Variants in SGCZ observed in about 807,000 individuals in gnomAD.
The protein encoded by SGCZ is sarcoglycan zeta.
A neutral mutation model predicts 41.3 loss-of-function variants in SGCZ; 40 were observed. The ratio of observed to expected loss-of-function variants is 0.97; its 90% CI spans 0.75 to 1.26. The LOEUF is 1.26. SGCZ is among the 50% of genes most tolerant of loss of function. The probability of loss-of-function intolerance (pLI) is 0.00; values close to 1 mark genes in which losing one functional copy is unlikely to be tolerated. For synonymous variants in SGCZ, 206 were observed against 137.5 expected, an observed-to-expected ratio of 1.50 and a Z score of -3.49; for missense variants, 552 against 369.8, an observed-to-expected ratio of 1.49 and a Z score of -4.04.
At chr8:14,684,204 T>G (rs983670826) in intron 1 of SGCZ, among the ~76,000 whole-genome samples, 35 of 152,310 alleles carry the variant, frequency 2.3e-4, no homozygotes, top group African/African-American at 8.2e-4. Context: ...CCCTTCATAA[T>G]GCAATTTTTA....
At chr8:14,109,383 A>G (rs1205642246) in intron 5 of SGCZ, among the ~76,000 whole-genome samples, 1 of 152,206 alleles carries the variant, frequency 6.6e-6, no homozygotes, top group Non-Finnish European at 1.5e-5. Flanking sequence ...GTTCCAAATA[A>G]GATGACATTG....
intron 3 of SGCZ, among the ~76,000 whole-genome samples, chr8:14,298,559 A>T (rs1008240403): frequency 3.3e-5 from 5 of 152,048 alleles, no homozygotes; most frequent in East Asian, 1.9e-4. Flanking sequence ...AAAGTGAGCA[A>T]GAATATTTAA....
At chr8:14,815,134 T>C (rs1253806453) in intron 1 of SGCZ, among the ~76,000 whole-genome samples, 1 of 152,218 alleles carries the variant, frequency 6.6e-6, no homozygotes, top group Non-Finnish European at 1.5e-5. Flanking sequence ...ATTTTGGTTA[T>C]ACTTCAATTA....
intron 3 of SGCZ, among the ~76,000 whole-genome samples, chr8:14,307,986 G>A (rs1801400763): frequency 6.6e-6 from 1 of 152,096 alleles, no homozygotes; most frequent in South Asian, 2.1e-4. Flanking sequence ...GCAAATGACA[G>A]AGATCTGTAT....
At chr8:14,860,238 C>T (rs750945268) in intron 1 of SGCZ, among the ~76,000 whole-genome samples, 3 of 149,774 alleles carry the variant, frequency 2.0e-5, no homozygotes, top group Non-Finnish European at 4.4e-5. Flanking sequence ...GACCTTCGTT[C>T]GAAAATGCTT....
At chr8:14,866,672 T>G (rs1803943846) in intron 1 of SGCZ, among the ~76,000 whole-genome samples, 1 of 151,996 alleles carries the variant, frequency 6.6e-6, no homozygotes, top group African/African-American at 2.4e-5. Context: ...GAGCTGGGCA[T>G]GATGGTGCAT....
intron 4 of SGCZ, among the ~76,000 whole-genome samples, chr8:14,192,871 G>A (rs1207352672): frequency 6.6e-6 from 1 of 152,026 alleles, no homozygotes; most frequent in African/African-American, 2.4e-5. Context: ...AATAATCAGT[G>A]CAGTATTTCT....
intron 1 of SGCZ, among the ~76,000 whole-genome samples, chr8:14,952,030 G>C (rs562805038): frequency 6.6e-6 from 1 of 151,870 alleles, no homozygotes; most frequent in African/African-American, 2.4e-5. Context: ...TACTCACCTG[G>C]TGTTCACTCT....
chr8:14,786,906 T>C (rs535973289), intron 1 of SGCZ, among the ~76,000 whole-genome samples: 1 of 149,464 alleles, frequency 6.7e-6, no homozygotes, highest in East Asian at 2.0e-4. Flanking sequence ...CATACAACCA[T>C]GCTGTATGAT....
intron 1 of SGCZ, among the ~76,000 whole-genome samples, chr8:14,657,936 T>A (rs1330742267): frequency 6.6e-6 from 1 of 152,198 alleles, no homozygotes; most frequent in African/African-American, 2.4e-5. Context: ...ACTCCTTACC[T>A]TCTAAGGAAT....
At chr8:14,886,372 A>G (rs138939589) in intron 1 of SGCZ, among the ~76,000 whole-genome samples, 1 of 152,152 alleles carries the variant, frequency 6.6e-6, no homozygotes, top group Non-Finnish European at 1.5e-5. Context: ...CATATGGTTT[A>G]TTAGACAGAG....
chr8:14,365,073 T>C (rs1264484060), intron 2 of SGCZ, among the ~76,000 whole-genome samples: 5 of 152,054 alleles, frequency 3.3e-5, no homozygotes, highest in African/African-American at 1.2e-4. Flanking sequence ...AAGCAATTTT[T>C]TATCTCTATA....
intron 2 of SGCZ, among the ~76,000 whole-genome samples, chr8:14,485,231 A>G (rs1006493044): frequency 6.6e-6 from 1 of 152,092 alleles, no homozygotes; most frequent in Non-Finnish European, 1.5e-5. Flanking sequence ...TATCTAGTTT[A>G]GGATTTATCC....
chr8:14,461,515 C>G (rs906988434), intron 2 of SGCZ, among the ~76,000 whole-genome samples: 2 of 152,144 alleles, frequency 1.3e-5, no homozygotes, highest in African/African-American at 2.4e-5. Context: ...AGAGACTGCA[C>G]TTTAACAAAA....
chr8:14,894,198 G>C (rs1189849270), intron 1 of SGCZ, among the ~76,000 whole-genome samples: 4 of 151,894 alleles, frequency 2.6e-5, no homozygotes, highest in Non-Finnish European at 5.9e-5. Flanking sequence ...CTTAAACTTT[G>C]CTGTTATTTT....
rs1801621460 is a variant in SGCZ, at chr8:14,089,516, G to C, written c.*927C>G. Among the ~76,000 whole-genome samples, 1 of 151,954 alleles carries C rather than the reference G, an allele frequency of 6.6e-6. No individual in the cohort carries two copies. The highest frequency in any genetic ancestry group is 2.4e-5 in the African/African-American group (1 of 41,396). ...TTTAGCAGTCAGAATCAAGTGCAGA[G>C]TGAGTGGAGCAAACAAAAATTATAC... On this transcript the variant is annotated 3_prime_UTR_variant, in exon 8 of 8. Transcript: ENST00000382080.
At chr8:14,613,911 T>C (rs894335438) in intron 1 of SGCZ, among the ~76,000 whole-genome samples, 2 of 152,150 alleles carry the variant, frequency 1.3e-5, no homozygotes, top group African/African-American at 4.8e-5. Flanking sequence ...AATCAAAATC[T>C]AGCAGACGTT....
At chr8:14,279,974 T>C in intron 3 of SGCZ, among the ~76,000 whole-genome samples, 1 of 151,950 alleles carries the variant, frequency 6.6e-6, no homozygotes, top group East Asian at 1.9e-4. Flanking sequence ...CTTACTCAGC[T>C]TAGGGGCTTT....
chr8:14,297,252 T>A (rs1480129166), intron 3 of SGCZ, among the ~76,000 whole-genome samples: 1 of 151,922 alleles, frequency 6.6e-6, no homozygotes, highest in African/African-American at 2.4e-5. Context: ...ATCTTATAAT[T>A]TGAGGATATA....
Sources: allele counts gnomAD v4.1 joint callset (sites outside exome capture counted in the v4.1 genomes callset), GRCh38; gene constraint gnomAD v4.1.1; transcripts MANE v1.5; gene names NCBI Gene and HGNC (gene_info 2026-07-23, HGNC 2026-07-21).